Variants in TANC2 observed in about 807,000 individuals in gnomAD.
The protein encoded by TANC2 is tetratricopeptide repeat, ankyrin repeat and coiled-coil containing 2, also known as protein TANC2.
A neutral mutation model predicts 210.5 loss-of-function variants in TANC2; 26 were observed. The ratio of observed to expected loss-of-function variants is 0.12; its 90% CI spans 0.09 to 0.17. The LOEUF (loss-of-function observed/expected upper bound fraction) is 0.17, where lower values mean the gene tolerates loss of function less well. TANC2 is among the 10% of genes least tolerant of loss of function. The pLI is 1.00. For missense variants in TANC2, 2,129 were observed against 2,608.9 expected (o/e 0.82, Z 4.01); for synonymous variants, 931 against 967.1 (o/e 0.96, Z 0.69).
chr17:63,172,397 G>A (rs1354572537), intron 5 of TANC2, among the ~76,000 whole-genome samples: 1 of 151,812 alleles, frequency 6.6e-6, no homozygotes, highest in African/African-American at 2.4e-5. Flanking sequence ...GGCCAGGCTG[G>A]TTTTGAACTC....
chr17:63,022,107 G>A (rs984384300), intron 2 of TANC2, among the ~76,000 whole-genome samples: 5 of 152,116 alleles, frequency 3.3e-5, no homozygotes, highest in African/African-American at 4.8e-5. Flanking sequence ...TTGGGAGTCT[G>A]AGGCAGGCAG....
intron 3 of TANC2, among the ~76,000 whole-genome samples, chr17:63,086,549 G>A (rs1031670231): frequency 6.6e-6 from 1 of 152,052 alleles, no homozygotes; most frequent in East Asian, 1.9e-4. Flanking sequence ...TTTCATAGAA[G>A]TTCCATCTAC....
chr17:63,198,380 A>G (rs2041416180), intron 6 of TANC2, among the ~76,000 whole-genome samples: 1 of 152,092 alleles, frequency 6.6e-6, no homozygotes, highest in African/African-American at 2.4e-5. Context: ...TTTTTAATAG[A>G]GATGGCATTT....
intron 14 of TANC2, among the ~76,000 whole-genome samples, chr17:63,373,761 A>G (rs909385064): frequency 2.6e-5 from 4 of 152,180 alleles, no homozygotes; most frequent in African/African-American, 9.7e-5. Context: ...CGGGCAGATA[A>G]CCTGAGGTCA....
At chr17:63,155,223 A>G (rs1224032352) in intron 5 of TANC2, 1 of 152,138 alleles carries the variant, frequency 6.6e-6, no homozygotes, top group African/African-American at 2.4e-5. Context: ...AAACAAAAAC[A>G]AAAACAAAAC....
At chr17:63,197,503 G>A (rs2041383876) in intron 6 of TANC2, 2 of 152,156 alleles carry the variant, frequency 1.3e-5, no homozygotes, top group Admixed American at 1.3e-4. Context: ...AAGATAAACT[G>A]CTATGCTTAG....
chr17:63,069,079 A>G (rs1170688215), intron 2 of TANC2, among the ~76,000 whole-genome samples: 2 of 152,140 alleles, frequency 1.3e-5, no homozygotes, highest in Admixed American at 6.5e-5. Context: ...TAAATATGGG[A>G]AATCTTAAGA....
chr17:63,098,350 C>T (rs1266294875), intron 3 of TANC2, among the ~76,000 whole-genome samples: 1 of 150,804 alleles, frequency 6.6e-6, no homozygotes, highest in Admixed American at 6.6e-5. Flanking sequence ...CTACTTTCTC[C>T]TAGAGTATAG....
At chr17:63,397,690 A>T (rs2048213097) in intron 18 of TANC2, among the ~76,000 whole-genome samples, 1 of 152,216 alleles carries the variant, frequency 6.6e-6, no homozygotes, top group African/African-American at 2.4e-5. Context: ...GCATGTTGTG[A>T]TGTAATATTC....
intron 12 of TANC2, among the ~76,000 whole-genome samples, chr17:63,343,773 G>A (rs2046313906): frequency 6.6e-6 from 1 of 151,986 alleles, no homozygotes; most frequent in Non-Finnish European, 1.5e-5. Flanking sequence ...GTGCACAGCT[G>A]TAGTCCCAGC....
At chr17:62,995,521 G>T (rs2033065175) in intron 1 of TANC2, among the ~76,000 whole-genome samples, 3 of 152,188 alleles carry the variant, frequency 2.0e-5, no homozygotes, top group African/African-American at 7.2e-5. Context: ...CCACCAGATG[G>T]CCCTGGCAGT....
intron 7 of TANC2, among the ~76,000 whole-genome samples, chr17:63,206,710 G>C (rs143844688): frequency 6.6e-6 from 1 of 152,208 alleles, no homozygotes; most frequent in East Asian, 1.9e-4. Flanking sequence ...AGCGGCGTGG[G>C]GAGTTGGTGG....
chr17:63,116,805 T>C (rs1250825692), intron 4 of TANC2, among the ~76,000 whole-genome samples: 2 of 152,208 alleles, frequency 1.3e-5, no homozygotes, highest in Admixed American at 1.3e-4. Flanking sequence ...GTTCCTTACA[T>C]TGCAACAAAA....
Position 63,096,700 on chromosome 17 carries a change from C to T in TANC2, c.140-2475C>T, listed in dbSNP as rs190010595. On this transcript the variant is annotated intron_variant, in intron 3 of 27. Transcript: ENST00000689528. ...TTTTGGCTATTATGTATGAATAATG[C>T]TGCTGTGAACGTTCATGTTCAAGTT... 1.2e-3 allele frequency among the ~76,000 whole-genome samples: 188 copies of T among 152,216 alleles called. 2 individuals carry two copies. Among genetic ancestry groups the T allele is most frequent in the Admixed American group, 0.012 (185 of 15,282 alleles).
At chr17:63,292,178 C>T (rs2044402142) in intron 9 of TANC2, among the ~76,000 whole-genome samples, 2 of 152,112 alleles carry the variant, frequency 1.3e-5, no homozygotes, top group Non-Finnish European at 2.9e-5. Flanking sequence ...GCACCATCAC[C>T]ACTTAGATTG....
chr17:63,070,179 G>A (rs2036344145), intron 2 of TANC2, among the ~76,000 whole-genome samples: 1 of 151,986 alleles, frequency 6.6e-6, no homozygotes, highest in African/African-American at 2.4e-5. Context: ...TAGATATTGT[G>A]GTTTTCAACA....
chr17:63,328,900 G>A (rs966576168), intron 11 of TANC2, among the ~76,000 whole-genome samples: 2 of 151,978 alleles, frequency 1.3e-5, no homozygotes, highest in African/African-American at 4.8e-5. Context: ...CCCCATAAAT[G>A]TATGCAATTA....
chr17:63,290,080 A>G (rs2044339877), intron 9 of TANC2, among the ~76,000 whole-genome samples: 1 of 152,192 alleles, frequency 6.6e-6, no homozygotes, highest in Non-Finnish European at 1.5e-5. Context: ...GGTTCCCCTG[A>G]GGGCAGGCCT....
At chr17:63,351,761 G>A (rs1032767974) in intron 13 of TANC2, among the ~76,000 whole-genome samples, 6 of 152,062 alleles carry the variant, frequency 3.9e-5, no homozygotes, top group Non-Finnish European at 7.4e-5. Context: ...ATCATTTAAT[G>A]CTATGCAAAA....
Sources: gnomAD v4.1 joint callset for allele counts (sites outside exome capture counted in the v4.1 genomes callset) on GRCh38, gnomAD v4.1.1 for gene constraint, MANE v1.5 for transcripts, NCBI Gene and HGNC (gene_info 2026-07-23, HGNC 2026-07-21) for gene names.